Variants in TCF20 observed in about 807,000 individuals in gnomAD.
TCF20 encodes transcription factor 20.
TCF20 carries 3 observed loss-of-function variants against 148.6 expected under a neutral mutation model. The observed-to-expected ratio is 0.02, with a 90% CI of 0.01 to 0.05. The LOEUF is 0.05. Ranked by LOEUF, TCF20 falls within the 10% of genes least tolerant of loss-of-function variation. TCF20 has a pLI of 1.00. For missense variants in TCF20, 2,350 were observed against 2,429.3 expected, an observed-to-expected ratio of 0.97 and a Z score of 0.69; for synonymous variants, 1,049 against 909.5, an observed-to-expected ratio of 1.15 and a Z score of -2.76.
chr22:42,306,953 C>T lies in TCF20; in HGVS notation c.-37+36526G>A, dbSNP rs545249094. 8.2e-4 allele frequency among the ~76,000 whole-genome samples: 123 copies of T among 150,542 alleles called. 2 individuals are homozygous for T. In the South Asian group the frequency reaches 0.018, roughly 22 times the overall value. On this transcript the variant is annotated intron_variant, in intron 1 of 1. Coordinates refer to the TCF20 transcript ENST00000515426. ...ACTCGGGATGCTGAGGCACGAGAATCGCTTGACCCTGGGGAGCGGAGGTTG... is the reference window on the plus strand; with the variant it reads ...ACTCGGGATGCTGAGGCACGAGAATTGCTTGACCCTGGGGAGCGGAGGTTG...
intron 1 of TCF20, chr22:42,276,728 G>A (rs1299493884): frequency 1.3e-5 from 2 of 152,218 alleles, no homozygotes; most frequent in East Asian, 3.9e-4. Context: ...ATGCCAAGGC[G>A]ATTGTCTTCT....
intron 2 of TCF20, among the ~76,000 whole-genome samples, chr22:42,185,696 A>G (rs1325882261): frequency 1.3e-5 from 2 of 152,224 alleles, no homozygotes; most frequent in African/African-American, 4.8e-5. Context: ...AAGCTTCTTA[A>G]AGACTACTTC....
chr22:42,198,944 C>A (rs986790714), intron 2 of TCF20, among the ~76,000 whole-genome samples: 1 of 152,114 alleles, frequency 6.6e-6, no homozygotes, highest in Admixed American at 6.5e-5. Flanking sequence ...GGATTACAGG[C>A]GTGAGCCACT....
At chr22:42,283,092 C>T (rs781078188) in intron 1 of TCF20, among the ~76,000 whole-genome samples, 7 of 152,354 alleles carry the variant, frequency 4.6e-5, no homozygotes, top group Admixed American at 1.3e-4. Flanking sequence ...GACACACACA[C>T]GCTAACACAA....
At chr22:42,229,841 C>A (rs1923241125) in intron 1 of TCF20, among the ~76,000 whole-genome samples, 1 of 152,188 alleles carries the variant, frequency 6.6e-6, no homozygotes, top group South Asian at 2.1e-4. Context: ...TACACCATTA[C>A]CTGGTGGCTG....
chr22:42,168,853 G>A (rs1027251501), intron 4 of TCF20, 117 bp from the exon 5 acceptor site: 9 of 1,340,894 alleles, frequency 6.7e-6, no homozygotes, highest in Non-Finnish European at 7.8e-6. Flanking sequence ...GGCAGAGTCA[G>A]TCCTGACCGA....
At chr22:42,275,039 G>A (rs1279475349), upstream of TCF20, 1 of 152,240 alleles carries the variant, frequency 6.6e-6, no homozygotes, top group African/African-American at 2.4e-5. Context: ...CACACAGTTT[G>A]GAAGAGGCTG....
At chr22:42,285,924 T>C (rs1038252668), upstream of TCF20, among the ~76,000 whole-genome samples, 1 of 152,178 alleles carries the variant, frequency 6.6e-6, no homozygotes, top group Non-Finnish European at 1.5e-5. The surrounding 1 kb of genome is among the most constrained non-coding windows in gnomAD (Gnocchi z 4.2). Flanking sequence ...CCAAGTCAAA[T>C]GCCACTTTCT....
intron 1 of TCF20, among the ~76,000 whole-genome samples, chr22:42,231,578 A>C (rs977552315): frequency 2.6e-5 from 4 of 152,220 alleles, no homozygotes; most frequent in African/African-American, 9.6e-5. Flanking sequence ...GTTTAAGCTA[A>C]GTGTTATTAC....
At chr22:42,271,471 AAAGG>A (rs1443605428), upstream of TCF20, among the ~76,000 whole-genome samples, 2 of 152,244 alleles carry the variant, frequency 1.3e-5, no homozygotes, top group African/African-American at 4.8e-5. Flanking sequence ...TTTCTAAAGC[AAAGG>A]AAGGGCTTGA....
intron 1 of TCF20, among the ~76,000 whole-genome samples, chr22:42,248,089 A>G (rs1925067645): frequency 1.3e-5 from 2 of 152,154 alleles, no homozygotes; most frequent in Admixed American, 1.3e-4. Context: ...TGGTGCTTAC[A>G]TTTTGTGAAG....
At chr22:42,329,591 G>A (rs528152694) in intron 1 of TCF20, among the ~76,000 whole-genome samples, 3 of 152,352 alleles carry the variant, frequency 2.0e-5, no homozygotes, top group South Asian at 2.1e-4. Context: ...GCAAGGAGAC[G>A]GGAGGGGAGG....
intron 1 of TCF20, among the ~76,000 whole-genome samples, chr22:42,258,817 C>A (rs191675987): frequency 1.2e-4 from 19 of 152,112 alleles, no homozygotes; most frequent in African/African-American, 4.3e-4. Context: ...CGACTTAGGA[C>A]GGATGGGTTT....
Position 42,229,612 on chromosome 22 carries a change from A to G in TCF20, c.-36-14271T>C, listed in dbSNP as rs1162406085. On this transcript the variant is annotated intron_variant, in intron 1 of 5. Coordinates refer to ENST00000677622, the MANE Select transcript of TCF20 (RefSeq NM_001378418.1). ...AACAGGTTTGTTGAAGGCCACGGCA[A>G]TTTTCCTTTCCAACCATACTGCTCA... Among the ~76,000 whole-genome samples, 3 of 152,084 alleles carry G rather than the reference A, an allele frequency of 2.0e-5. No homozygotes were observed. The East Asian group carries it at 5.8e-4, about 29-fold the overall frequency.
At chr22:42,169,423 C>T (rs1238838319) in intron 4 of TCF20, among the ~76,000 whole-genome samples, 1 of 152,148 alleles carries the variant, frequency 6.6e-6, no homozygotes, top group Non-Finnish European at 1.5e-5. Flanking sequence ...CTGAGCTTCC[C>T]CAGAGCCTTG....
intron 1 of TCF20, among the ~76,000 whole-genome samples, chr22:42,329,122 G>T (rs979903256): frequency 6.6e-6 from 1 of 152,234 alleles, no homozygotes; most frequent in Admixed American, 6.5e-5. Context: ...CGGGAGAGGC[G>T]GGTGGATCTG....
chr22:42,322,649 A>C (rs890981067), intron 1 of TCF20, among the ~76,000 whole-genome samples: 1 of 151,818 alleles, frequency 6.6e-6, no homozygotes, highest in Non-Finnish European at 1.5e-5. Context: ...CAAATGAGTG[A>C]GTGAGTGAGC....
chr22:42,263,566 T>C (rs890652294), intron 1 of TCF20, among the ~76,000 whole-genome samples: 2 of 152,152 alleles, frequency 1.3e-5, no homozygotes, highest in Non-Finnish European at 2.9e-5. Context: ...AAGGCCTCAC[T>C]CTAAATGAAC....
chr22:42,185,931 G>T (rs770470358), intron 2 of TCF20, among the ~76,000 whole-genome samples: 1 of 152,124 alleles, frequency 6.6e-6, no homozygotes, highest in Non-Finnish European at 1.5e-5. Flanking sequence ...AACCTCAGAG[G>T]GACAGAGACT....
Sources: allele counts gnomAD v4.1 joint callset (sites outside exome capture counted in the v4.1 genomes callset), GRCh38; gene constraint gnomAD v4.1.1; non-coding constraint Gnocchi (gnomAD v3.1); transcripts MANE v1.5; gene names NCBI Gene and HGNC (gene_info 2026-07-23, HGNC 2026-07-21).